Variants in SPAM1 observed in about 807,000 individuals in gnomAD.
SPAM1 encodes hyaluronidase PH-20.
SPAM1 carries 22 observed loss-of-function variants against 29.6 expected under a neutral mutation model. The observed-to-expected ratio is 0.74, with a 90% confidence interval of 0.53 to 1.06. The LOEUF (loss-of-function observed/expected upper bound fraction) is 1.06, where lower values mean the gene tolerates loss of function less well. Ranked by LOEUF, SPAM1 falls within the 50% of genes least tolerant of loss-of-function variation. SPAM1 has a pLI of 0.00. For missense variants in SPAM1, 534 were observed against 604.0 expected (o/e 0.88, Z 1.21); for synonymous variants, 194 against 204.6 (o/e 0.95, Z 0.44).
At position 123,970,380 on chromosome 7, in the gene SPAM1, A is replaced by T. The variant is rs1584967463; in HGVS notation, c.*48+84A>T. ...CTTATAAGGACACCAGTCATGTTGGATTGGAGAATACTCTAAAGACCTCAT... is the reference window on the plus strand; with the variant it reads ...CTTATAAGGACACCAGTCATGTTGGTTTGGAGAATACTCTAAAGACCTCAT... On this transcript the variant is annotated intron_variant, in intron 6 of 6. Coordinates refer to the SPAM1 transcript ENST00000340011. The T allele has an allele frequency of 5.2e-6, 5 of 965,278 alleles. No homozygotes were observed. The East Asian group carries it at 1.1e-4, about 21-fold the overall frequency. 59.8% of individuals were successfully genotyped at this position (965,278 alleles called of 1,614,324 possible).
intron 1 of SPAM1, among the ~76,000 whole-genome samples, chr7:123,939,328 G>T (rs563193415): frequency 6.6e-6 from 1 of 152,214 alleles, no homozygotes; most frequent in South Asian, 2.1e-4. Flanking sequence ...CTCGTGATCT[G>T]CCCGCCTCGG....
chr7:123,952,312 A>G (rs1421107706), intron 2 of SPAM1, among the ~76,000 whole-genome samples: 1 of 152,080 alleles, frequency 6.6e-6, no homozygotes, highest in Admixed American at 6.6e-5. Context: ...TTTTTCAGCA[A>G]TGGGAATGAC....
At chr7:123,960,159 C>A, downstream of SPAM1, 1 of 738,080 alleles carries the variant, frequency 1.4e-6, no homozygotes, top group Non-Finnish European at 2.1e-6. Flanking sequence ...AATTCTCAAC[C>A]ATGAGTTCAG....
At chr7:123,934,435 C>T (rs1808190390) in intron 1 of SPAM1, among the ~76,000 whole-genome samples, 1 of 151,952 alleles carries the variant, frequency 6.6e-6, no homozygotes, top group Admixed American at 6.6e-5. Flanking sequence ...GTAGGAGTTT[C>T]CTCGAAAAAC....
At position 123,953,687 on chromosome 7, in the gene SPAM1, A is replaced by G; in HGVS notation, c.117A>G (p.Arg39=). The change falls in exon 3 of 5, where the codon AGA becomes AGG. Residue 39 remains arginine, a synonymous_variant. Transcript: ENST00000682466. The part of the protein sequence containing the change: ...LIPCCLTLNF[R]APPVIPNVPF... Reference sequence around the variant, plus strand: ...CATGTTGCTTGACTCTGAATTTCAGAGCACCTCCTGTTATTCCAAATGTGC... The same window carrying G: ...CATGTTGCTTGACTCTGAATTTCAGGGCACCTCCTGTTATTCCAAATGTGC... 2 of 1,613,362 alleles carry G rather than the reference A, an allele frequency of 1.2e-6. No individual in the cohort carries two copies. Among genetic ancestry groups the G allele is most frequent in the Non-Finnish European group, 1.7e-6 (2 of 1,179,636 alleles).
rs112674188 is a variant in SPAM1 at position 123,938,087 on chromosome 7, C to CT, written c.-318-11770dup. The stretch of plus-strand genomic sequence containing the variant: ...TATAGTTTTGCTGTCACAAAATGTG[C>CT]TTTTTTTTTTTTTTTCCTTAAAGAG... On this transcript the variant is annotated intron_variant, in intron 1 of 4. Coordinates refer to ENST00000682466, the MANE Select transcript of SPAM1 (RefSeq NM_153189.3). 5.8e-3 allele frequency among the ~76,000 whole-genome samples: 792 copies of CT among 136,972 alleles called. 2 individuals carry two copies. Among genetic ancestry groups the CT allele is most frequent in the South Asian group, 0.016 (67 of 4,268 alleles). 89.9% of individuals were successfully genotyped at this position (136,972 alleles called of 152,430 possible). A position where few individuals can be genotyped will look rare whatever the true frequency, so the allele number is the denominator to read the frequency against.
At chr7:123,950,457 A>G (rs1808723543) in intron 2 of SPAM1, among the ~76,000 whole-genome samples, 1 of 151,908 alleles carries the variant, frequency 6.6e-6, no homozygotes, top group African/African-American at 2.4e-5. Context: ...TACTGCTTCC[A>G]TCTTTATGTC....
At chr7:123,956,483 A>G (rs1447081713) in intron 4 of SPAM1, among the ~76,000 whole-genome samples, 1 of 152,036 alleles carries the variant, frequency 6.6e-6, no homozygotes, top group Non-Finnish European at 1.5e-5. Context: ...AAACAAATGC[A>G]AATGAGCCAT....
In SPAM1 at chr7:123,953,922, AT is replaced by A. The variant is rs1792178594; in HGVS notation, c.355del (p.Ser119ProfsTer19). 9.9e-6 allele frequency: 16 copies of A among 1,613,730 alleles called. No individual in the cohort carries two copies. Among genetic ancestry groups the A allele is most frequent in the Non-Finnish European group, 1.4e-5 (16 of 1,179,786 alleles). ...VTVNGGIPQKISLQDHLDKAK... is the reference protein window; with the variant it reads ...VTVNGGIPQKXSLQDHLDKAK... Reference sequence around the variant, plus strand: ...TGTGAATGGAGGAATCCCCCAGAAGATTTCCTTACAAGACCATCTGGACAAA... The same window carrying A: ...TGTGAATGGAGGAATCCCCCAGAAGATTCCTTACAAGACCATCTGGACAAA... On this transcript the variant is annotated frameshift_variant, in exon 3 of 5. Coordinates refer to ENST00000682466, the MANE Select transcript of SPAM1 (RefSeq NM_153189.3). LOFTEE classifies it high-confidence loss of function.
downstream of SPAM1, among the ~76,000 whole-genome samples, chr7:123,961,817 A>G (rs1290965409): frequency 2.0e-5 from 3 of 152,016 alleles, no homozygotes; most frequent in Non-Finnish European, 4.4e-5. Flanking sequence ...AGGTCTCACA[A>G]TCATGGTGAA....
intron 6 of SPAM1, among the ~76,000 whole-genome samples, chr7:123,970,671 G>A (rs1454780796): frequency 1.3e-5 from 2 of 150,840 alleles, no homozygotes; most frequent in Non-Finnish European, 3.0e-5. Context: ...AATTTTGAAA[G>A]AACACAGTTC....
intron 1 of SPAM1, among the ~76,000 whole-genome samples, chr7:123,949,582 G>A (rs886708209): frequency 4.6e-5 from 7 of 151,980 alleles, no homozygotes; most frequent in African/African-American, 1.4e-4. Context: ...TATCAATTGG[G>A]TATTGAATTT....
chr7:123,931,550 A>G (rs952244370), intron 1 of SPAM1, among the ~76,000 whole-genome samples: 8 of 152,186 alleles, frequency 5.3e-5, no homozygotes, highest in Admixed American at 2.0e-4. Context: ...TTGTCCAGTC[A>G]TATTTCCATA....
chr7:123,938,039 G>C (rs1396405849), intron 1 of SPAM1, among the ~76,000 whole-genome samples: 1 of 151,194 alleles, frequency 6.6e-6, no homozygotes, highest in Non-Finnish European at 1.5e-5. Context: ...CTGGGAAGAT[G>C]TTTGATTGCC....
At chr7:123,954,939 T>C (rs555261410) in intron 3 of SPAM1, 58 bp from the exon 4 acceptor site, 3 of 1,123,888 alleles carry the variant, frequency 2.7e-6, no homozygotes, top group Non-Finnish European at 2.7e-6. Context: ...GTTGCTGTCC[T>C]ATGTATAGCA....
chr7:123,933,097 A>C (rs1253176354), intron 1 of SPAM1, among the ~76,000 whole-genome samples: 1 of 151,630 alleles, frequency 6.6e-6, no homozygotes, highest in Admixed American at 6.6e-5. Flanking sequence ...ATACATGTGC[A>C]GAATGTGTAG....
rs746068102 is a variant in SPAM1 at position 123,954,227 on chromosome 7, T to C, written c.657T>C (p.Tyr219=). The change falls in exon 3 of 5, where the codon TAT becomes TAC. Residue 219 remains tyrosine (Y), a synonymous_variant. Coordinates refer to ENST00000682466, the MANE Select transcript of SPAM1 (RefSeq NM_153189.3). ...LLRPNHLWGY[Y]LFPDCYNHHY... is the part of the protein sequence containing the mutation. Reference sequence around the variant, plus strand: ...GGCCAAATCACTTGTGGGGTTATTATCTTTTTCCGGATTGTTACAACCATC... The same window carrying C: ...GGCCAAATCACTTGTGGGGTTATTACCTTTTTCCGGATTGTTACAACCATC... 3 of 1,613,438 alleles carry C rather than the reference T, an allele frequency of 1.9e-6. No individual in the cohort carries two copies. In the East Asian group the frequency reaches 6.7e-5, roughly 36 times the overall value.
At chr7:123,943,290 C>T (rs1048888282) in intron 1 of SPAM1, among the ~76,000 whole-genome samples, 13 of 152,070 alleles carry the variant, frequency 8.5e-5, no homozygotes, top group African/African-American at 2.9e-4. Flanking sequence ...TATCAGAAAC[C>T]TGCCTTCAAG....
At chr7:123,927,621 A>C (rs543441252) in intron 1 of SPAM1, among the ~76,000 whole-genome samples, 1 of 152,228 alleles carries the variant, frequency 6.6e-6, no homozygotes, top group Non-Finnish European at 1.5e-5. Context: ...GCATCCACTG[A>C]TGTTTAGATA....
Sources: allele counts gnomAD v4.1 joint callset (sites outside exome capture counted in the v4.1 genomes callset), GRCh38; gene constraint gnomAD v4.1.1; transcripts MANE v1.5; gene names NCBI Gene and HGNC (gene_info 2026-07-23, HGNC 2026-07-21).